SOX5: variants seen among roughly 807,000 people sequenced by gnomAD.
SOX5 encodes the protein SRY-box transcription factor 5.
Under a neutral mutation model 92.0 loss-of-function variants are expected in SOX5, and 9 were observed. The ratio of observed to expected loss-of-function variants is 0.10; its 90% CI spans 0.06 to 0.17. The LOEUF (loss-of-function observed/expected upper bound fraction) is 0.17. Ranked by LOEUF, SOX5 falls within the 10% of genes least tolerant of loss-of-function variation. The pLI, the probability that SOX5 is intolerant of heterozygous loss-of-function variation, is 1.00. For missense variants in SOX5, 642 were observed against 944.5 expected (o/e 0.68, Z 4.20); for synonymous variants, 344 against 336.3 (o/e 1.02, Z -0.25).
At chr12:24,036,737 T>C (rs140512770) in intron 4 of SOX5, among the ~76,000 whole-genome samples, 3 of 152,220 alleles carry the variant, frequency 2.0e-5, no homozygotes, top group Non-Finnish European at 2.9e-5. Context: ...ATAATGATCA[T>C]AGCCCTACTC....
At chr12:23,598,532 G>C (rs1293500146) in intron 9 of SOX5, among the ~76,000 whole-genome samples, 1 of 151,094 alleles carries the variant, frequency 6.6e-6, no homozygotes. Flanking sequence ...CCGAGTAGCT[G>C]GGACTACAGG....
intron 4 of SOX5, among the ~76,000 whole-genome samples, chr12:24,146,867 T>C (rs1328808349): frequency 6.6e-6 from 1 of 152,016 alleles, no homozygotes; most frequent in Non-Finnish European, 1.5e-5. Flanking sequence ...TATCAACACA[T>C]TTGACAACTT....
intron 1 of SOX5, among the ~76,000 whole-genome samples, chr12:23,921,400 A>C (rs1277688003): frequency 6.6e-6 from 1 of 152,060 alleles, no homozygotes; most frequent in Non-Finnish European, 1.5e-5. Context: ...AAAAAAAGTC[A>C]AAAATCCAAA....
intron 3 of SOX5, among the ~76,000 whole-genome samples, chr12:23,756,170 T>C (rs2094365830): frequency 6.6e-6 from 1 of 151,542 alleles, no homozygotes; most frequent in Non-Finnish European, 1.5e-5. Context: ...ATCCACTTTA[T>C]AATATGTGTT....
rs573900850 is a variant in SOX5 at position 24,090,588 on chromosome 12, C to G, written c.-2+122755G>C. On this transcript the variant is annotated intron_variant, in intron 4 of 4. Coordinates refer to the SOX5 transcript ENST00000446891. ...ACAAAAAATCCAAATACTGGATATT[C>G]CAAATATTTCAAATACTCAGATTAC... Among the ~76,000 whole-genome samples the G allele has an allele frequency of 2.6e-5, 4 of 152,222 alleles. No individual in the cohort carries two copies. The South Asian group carries it at 8.3e-4, about 32-fold the overall frequency.
In SOX5 at chr12:23,651,803, C is replaced by T. The variant is rs116563557; in HGVS notation, c.932-10906G>A. Reference sequence around the variant, plus strand: ...GATGCTCAATTAAAAAAATGAGCCCCAAAGTAGGAGGTACAACAGGATCAA... The same window carrying T: ...GATGCTCAATTAAAAAAATGAGCCCTAAAGTAGGAGGTACAACAGGATCAA... On this transcript the variant is annotated intron_variant, in intron 7 of 14. Coordinates refer to ENST00000451604, the MANE Select transcript of SOX5 (RefSeq NM_006940.6). 7.9e-3 allele frequency among the ~76,000 whole-genome samples: 1,193 copies of T among 151,220 alleles called. 17 individuals are homozygous for T. Among genetic ancestry groups the T allele is most frequent in the African/African-American group, 0.028 (1,137 of 41,208 alleles).
chr12:23,720,134 T>A (rs2092732896), intron 6 of SOX5, among the ~76,000 whole-genome samples: 3 of 152,176 alleles, frequency 2.0e-5, no homozygotes, highest in Admixed American at 2.0e-4. Context: ...TGCTTTCCTG[T>A]TCTCTTATGT....
intron 9 of SOX5, among the ~76,000 whole-genome samples, chr12:23,580,199 G>T (rs975496044): frequency 3.3e-5 from 5 of 151,942 alleles, no homozygotes; most frequent in Admixed American, 2.0e-4. Context: ...GGAAAGTAAG[G>T]CTTAGAAAGT....
At chr12:23,534,589 C>A in intron 14 of SOX5, 67 bp from the exon 15 acceptor site, 1 of 1,272,542 alleles carries the variant, frequency 7.9e-7, no homozygotes, top group South Asian at 1.4e-5. Context: ...GACTTTACTA[C>A]ATAATTAATT....
rs574734315 is a variant in SOX5 at position 23,920,460 on chromosome 12, A to C, written c.39-24436T>G. 2.6e-5 allele frequency: 4 copies of C among 152,286 alleles called. No homozygotes were observed. In the East Asian group the frequency reaches 5.8e-4, roughly 22 times the overall value. The allele number at this position is 152,286 out of a possible 1,614,324, so 9.4% of individuals were successfully genotyped here. On this transcript the variant is annotated intron_variant, in intron 1 of 14. Coordinates refer to ENST00000451604, the MANE Select transcript of SOX5 (RefSeq NM_006940.6). The stretch of plus-strand genomic sequence containing the variant: ...AGACTAGCTCTAAGACAAAATTCCC[A>C]GCATGGACTACTGGCACTTCTGCTT...
At chr12:23,687,875 A>C (rs1011840811) in intron 6 of SOX5, among the ~76,000 whole-genome samples, 1 of 33,658 alleles carries the variant, frequency 3.0e-5, no homozygotes, top group Non-Finnish European at 5.1e-5. Flanking sequence ...GTGCCAGTTC[A>C]CTTTTTTTTT....
chr12:24,091,671 G>A (rs978260363), intron 4 of SOX5, among the ~76,000 whole-genome samples: 1 of 151,894 alleles, frequency 6.6e-6, no homozygotes, highest in Non-Finnish European at 1.5e-5. Flanking sequence ...AGAGGCAAAC[G>A]GCAGAAATGA....
chr12:23,662,717 C>G (rs139296072), intron 7 of SOX5, among the ~76,000 whole-genome samples: 6 of 152,060 alleles, frequency 3.9e-5, no homozygotes, highest in Non-Finnish European at 7.4e-5. Flanking sequence ...CTGTTGAGTA[C>G]ATTTAAAGTC....
At chr12:23,888,634 C>A (rs1331900949) in intron 2 of SOX5, among the ~76,000 whole-genome samples, 1 of 152,114 alleles carries the variant, frequency 6.6e-6, no homozygotes, top group East Asian at 1.9e-4. Flanking sequence ...TTGATGGACC[C>A]CAACTGATTG....
At chr12:24,521,896 A>G (rs1174586037) in intron 1 of SOX5, among the ~76,000 whole-genome samples, 2 of 152,094 alleles carry the variant, frequency 1.3e-5, no homozygotes, top group African/African-American at 2.4e-5. Flanking sequence ...GATACCTCCA[A>G]GAAATGTAAA....
intron 1 of SOX5, among the ~76,000 whole-genome samples, chr12:24,456,542 A>T (rs1241823716): frequency 6.6e-6 from 1 of 152,170 alleles, no homozygotes; most frequent in Non-Finnish European, 1.5e-5. Context: ...GGATCTTCAC[A>T]TGTTATCTTA....
chr12:23,585,914 A>T (rs1023535148), intron 9 of SOX5, among the ~76,000 whole-genome samples: 1 of 152,116 alleles, frequency 6.6e-6, no homozygotes, highest in Non-Finnish European at 1.5e-5. Flanking sequence ...GCATAATAAA[A>T]GATTCACGGG....
intron 2 of SOX5, among the ~76,000 whole-genome samples, chr12:24,305,841 C>T (rs1208797529): frequency 6.6e-6 from 1 of 152,186 alleles, no homozygotes. Flanking sequence ...AGGCAATCTG[C>T]CTGCCTCGGC....
intron 1 of SOX5, among the ~76,000 whole-genome samples, chr12:24,460,300 A>G (rs564931101): frequency 6.6e-6 from 1 of 152,334 alleles, no homozygotes; most frequent in African/African-American, 2.4e-5. Context: ...ACTAAATGCT[A>G]CAAATGTGTA....
Sources: allele counts gnomAD v4.1 joint callset (sites outside exome capture counted in the v4.1 genomes callset), GRCh38; gene constraint gnomAD v4.1.1; transcripts MANE v1.5; gene names NCBI Gene and HGNC (gene_info 2026-07-23, HGNC 2026-07-21).